The following SCUBE1 variants were observed in gnomAD, a reference collection of about 807,000 sequenced individuals.
SCUBE1 encodes signal peptide, CUB domain and EGF like domain containing 1, also known as signal peptide, CUB and EGF-like domain-containing protein 1.
Under a neutral mutation model 124.4 loss-of-function variants are expected in SCUBE1, and 59 were observed. The ratio of observed to expected loss-of-function variants is 0.47; its 90% CI spans 0.38 to 0.59. SCUBE1 has a LOEUF of 0.59. Ranked by LOEUF, SCUBE1 falls within the 20% of genes least tolerant of loss-of-function variation. The probability of loss-of-function intolerance (pLI) is 0.00; values close to 1 mark genes in which losing one functional copy is unlikely to be tolerated. For synonymous variants in SCUBE1, 545 were observed against 550.9 expected, an observed-to-expected ratio of 0.99 and a Z score of 0.15; for missense variants, 1,150 against 1,371.2, an observed-to-expected ratio of 0.84 and a Z score of 2.55.
In SCUBE1 at chr22:43,212,647, C is replaced by T. The variant is rs1044849505; in HGVS notation, c.2054-55G>A. 1.7e-5 allele frequency: 25 copies of T among 1,492,188 alleles called. 1 individual carries two copies. In the African/African-American group the frequency reaches 2.5e-4, roughly 15 times the overall value. 92.4% of individuals were successfully genotyped at this position (1,492,188 alleles called of 1,614,324 possible). A position where few individuals can be genotyped will look rare whatever the true frequency, so the allele number is the denominator to read the frequency against. On this transcript the variant is annotated intron_variant, in intron 16 of 21. Coordinates refer to ENST00000360835, the MANE Select transcript of SCUBE1 (RefSeq NM_173050.5). ...GCAGGAGGGCACCGCAGGGCCGAGG[C>T]TGTGGGTGGTCTCAGGCCCCGCTCT...
At chr22:43,338,808 G>T (rs1332872637) in intron 2 of SCUBE1, among the ~76,000 whole-genome samples, 1 of 152,180 alleles carries the variant, frequency 6.6e-6, no homozygotes, top group African/African-American at 2.4e-5. Context: ...AAAGTGCTGG[G>T]ATTACAGACG....
At chr22:43,207,467 G>A in intron 21 of SCUBE1, 67 bp downstream of exon 21, 1 of 1,248,158 alleles carries the variant, frequency 8.0e-7, no homozygotes, top group East Asian at 2.3e-5. Flanking sequence ...TGGGGCAGGG[G>A]CGGTCCTGGC....
intron 3 of SCUBE1, among the ~76,000 whole-genome samples, chr22:43,315,176 T>C (rs2008971): frequency 0.16 from 23,804 of 151,958 alleles, 2,042 homozygotes; most frequent in East Asian, 0.27. Context: ...GATGACAATA[T>C]CCAGCACCTG....
intron 4 of SCUBE1, among the ~76,000 whole-genome samples, chr22:43,288,239 T>G (rs924538812): frequency 2.0e-5 from 3 of 152,100 alleles, no homozygotes; most frequent in Admixed American, 6.5e-5. Context: ...AAAATCAGGA[T>G]CTGACCACCT....
At chr22:43,281,536 T>TTGGC (rs1440570359) in intron 4 of SCUBE1, among the ~76,000 whole-genome samples, 4 of 75,212 alleles carry the variant, frequency 5.3e-5, no homozygotes, top group Non-Finnish European at 7.7e-5. Context: ...GTCACCTCCC[T>TTGGC]CAGTCACCCT....
chr22:43,208,093 C>T lies in SCUBE1; in HGVS notation c.2713G>A (p.Val905Met). 6.2e-7 allele frequency: 1 copy of T among 1,614,156 alleles called. No individual in the cohort carries two copies. The highest frequency in any genetic ancestry group is 1.1e-5 in the South Asian group (1 of 91,084). ...NEGNSGKGFQVPYVTYDEDYQ... is the reference protein window; with the variant it reads ...NEGNSGKGFQMPYVTYDEDYQ... ...TTACCATCGTAGGTGACATAGGGCACTTGGAAGCCTTTGCCGCTGTTGCCT... is the reference window on the plus strand; with the variant it reads ...TTACCATCGTAGGTGACATAGGGCATTTGGAAGCCTTTGCCGCTGTTGCCT... The change falls in exon 20 of 22, where the codon GTG becomes ATG. Residue 905 changes from valine to methionine, a missense_variant. By Grantham distance (21) the Val-to-Met change is conservative (BLOSUM62 1). Around this residue, in one of 3 missense-constraint regions of SCUBE1, gnomAD observed 757 missense variants for 840.9 expected, o/e 0.90. Transcript: ENST00000360835.
At position 43,252,283 on chromosome 22, in the gene SCUBE1, C is replaced by A. The variant is rs566783551; in HGVS notation, c.727+5936G>T. Among the ~76,000 whole-genome samples the A allele has an allele frequency of 2.6e-5, 4 of 152,364 alleles. No individual in the cohort carries two copies. The East Asian group carries it at 7.7e-4, about 29-fold the overall frequency. ...GCCTCCCATTGAGGGCACTCCCCTC[C>A]CTCACTGGAGCCACAATCCCGGCTC... is the stretch of plus-strand genomic sequence containing the variant. On this transcript the variant is annotated intron_variant, in intron 6 of 21. Coordinates refer to ENST00000360835, the MANE Select transcript of SCUBE1 (RefSeq NM_173050.5).
chr22:43,205,400 C>T (rs1005911964), intron 21 of SCUBE1, among the ~76,000 whole-genome samples: 1 of 151,968 alleles, frequency 6.6e-6, no homozygotes, highest in Non-Finnish European at 1.5e-5. Flanking sequence ...TGAGGCCTGG[C>T]GGAGGTCTGG....
chr22:43,251,620 C>CG (rs1923452158), intron 6 of SCUBE1, among the ~76,000 whole-genome samples: 1 of 151,928 alleles, frequency 6.6e-6, no homozygotes. Flanking sequence ...GAAGGGACCG[C>CG]GGGACAAGGA....
At chr22:43,308,994 C>A (rs1416808850) in intron 3 of SCUBE1, among the ~76,000 whole-genome samples, 1 of 152,244 alleles carries the variant, frequency 6.6e-6, no homozygotes, top group Admixed American at 6.5e-5. Context: ...GTACAAGAAC[C>A]AGCGCAAGAG....
chr22:43,332,182 G>A (rs1926924698), intron 2 of SCUBE1, among the ~76,000 whole-genome samples: 1 of 152,114 alleles, frequency 6.6e-6, no homozygotes, highest in Non-Finnish European at 1.5e-5. Flanking sequence ...CAGGTACTTG[G>A]GAGGCTGAGG....
chr22:43,312,996 G>A (rs768066098), intron 3 of SCUBE1, among the ~76,000 whole-genome samples: 8 of 152,204 alleles, frequency 5.3e-5, no homozygotes, highest in African/African-American at 1.4e-4. Flanking sequence ...ACCACCTACT[G>A]TCTGTGTGAG....
At chr22:43,256,772 C>T (rs567569737) in intron 6 of SCUBE1, among the ~76,000 whole-genome samples, 2 of 152,290 alleles carry the variant, frequency 1.3e-5, no homozygotes, top group South Asian at 2.1e-4. Context: ...CTTGAGCAGA[C>T]GAGACAGGAG....
chr22:43,294,471 C>T (rs186305361), intron 3 of SCUBE1, among the ~76,000 whole-genome samples: 5 of 152,206 alleles, frequency 3.3e-5, no homozygotes, highest in Non-Finnish European at 1.5e-5. Context: ...AGAAACAGTA[C>T]TTTGGCCCTC....
chr22:43,305,043 C>T (rs556335852), intron 3 of SCUBE1, among the ~76,000 whole-genome samples: 23 of 152,284 alleles, frequency 1.5e-4, no homozygotes, highest in Non-Finnish European at 3.1e-4. Context: ...TGTCCCAACC[C>T]AATAATCACC....
chr22:43,238,727 G>A (rs1185987103), intron 7 of SCUBE1, 111 bp downstream of exon 7: 1 of 867,614 alleles, frequency 1.2e-6, no homozygotes, highest in South Asian at 1.3e-5. Flanking sequence ...CTTTCCCACA[G>A]CTACACGTGG....
At chr22:43,307,936 T>C (rs1926031743) in intron 3 of SCUBE1, among the ~76,000 whole-genome samples, 1 of 145,428 alleles carries the variant, frequency 6.9e-6, no homozygotes, top group East Asian at 2.0e-4. Flanking sequence ...CCCTGATTGC[T>C]GGGCCAGAAG....
chr22:43,259,862 C>T (rs9623795), intron 5 of SCUBE1, among the ~76,000 whole-genome samples: 3,130 of 152,286 alleles, frequency 0.021, 107 homozygotes, highest in African/African-American at 0.072. Flanking sequence ...AACTGGGCTT[C>T]AAGCACAAAG....
Position 43,206,927 on chromosome 22 carries a change from C to T in SCUBE1, c.2814+607G>A, listed in dbSNP as rs371046769. Among the ~76,000 whole-genome samples, 250 of 152,304 alleles carry T rather than the reference C, an allele frequency of 1.6e-3. 1 individual carries two copies. Among genetic ancestry groups the T allele is most frequent in the African/African-American group, 5.4e-3 (223 of 41,562 alleles). On this transcript the variant is annotated intron_variant, in intron 21 of 21. Coordinates refer to ENST00000360835, the MANE Select transcript of SCUBE1 (RefSeq NM_173050.5). The stretch of plus-strand genomic sequence containing the variant: ...ATGGGGAGACTCAAGTGAATCTTCC[C>T]GAACTCTGCAAACCATCCTTTTCTC...
Sources: allele counts gnomAD v4.1 joint callset (sites outside exome capture counted in the v4.1 genomes callset), GRCh38; gene constraint gnomAD v4.1.1; regional missense constraint gnomAD v4.1.1; transcripts MANE v1.5; gene names NCBI Gene and HGNC (gene_info 2026-07-23, HGNC 2026-07-21).